The following ZNF800 variants were observed in gnomAD, a reference collection of about 807,000 sequenced individuals.
ZNF800 encodes the protein zinc finger protein 800.
In ZNF800, 13 loss-of-function variants were observed where a neutral mutation model predicts 59.5. That is an observed-to-expected ratio of 0.22 (90% CI 0.14 to 0.35). The LOEUF (loss-of-function observed/expected upper bound fraction) is 0.35. Among genes scored for constraint, ZNF800 ranks in the 10% least tolerant of loss-of-function variants. The probability of loss-of-function intolerance (pLI) is 1.00; values close to 1 mark genes in which losing one functional copy is unlikely to be tolerated. For synonymous variants in ZNF800, 266 were observed against 265.7 expected, an observed-to-expected ratio of 1.00 and a Z score of -0.01; for missense variants, 621 against 783.7, an observed-to-expected ratio of 0.79 and a Z score of 2.48.
At chr7:127,382,673 A>T (rs1801010849) in intron 3 of ZNF800, among the ~76,000 whole-genome samples, 1 of 152,340 alleles carries the variant, frequency 6.6e-6, no homozygotes, top group East Asian at 1.9e-4. Context: ...CAGGCTTCTT[A>T]AAAAATGAGG....
intron 1 of ZNF800, among the ~76,000 whole-genome samples, chr7:127,356,428 T>C (rs1800272225): frequency 6.6e-6 from 1 of 152,090 alleles, no homozygotes; most frequent in Non-Finnish European, 1.5e-5. Flanking sequence ...AAGTCCTCAA[T>C]GCAGAAAGCA....
At chr7:127,358,639 G>A (rs544498236) in intron 1 of ZNF800, among the ~76,000 whole-genome samples, 33 of 152,120 alleles carry the variant, frequency 2.2e-4, no homozygotes, top group African/African-American at 8.0e-4. Context: ...TACCTACATG[G>A]AAACTTTTTC....
Position 127,355,404 on chromosome 7 carries a change from C to T in ZNF800, n.225-7361G>A, listed in dbSNP as rs1028603735. Among the ~76,000 whole-genome samples, 6 of 151,962 alleles carry T rather than the reference C, an allele frequency of 3.9e-5. No homozygotes were observed. In the South Asian group the frequency reaches 8.3e-4, roughly 21 times the overall value. On this transcript the variant is annotated intron_variant and non_coding_transcript_variant, in intron 1 of 1. Coordinates refer to the ZNF800 transcript ENST00000485577. ...ACTGCTAGCCTTGGGTCTCAAAGGG[C>T]TTAGTCTAATCATGGGGGGCAATGT...
chr7:127,370,627 T>C lies in ZNF800; in HGVS notation c.*1187A>G, dbSNP rs925222931. The C allele has an allele frequency of 1.3e-5, 2 of 152,570 alleles. No individual in the cohort carries two copies. The highest frequency in any genetic ancestry group is 2.4e-5 in the African/African-American group (1 of 41,460). 9.5% of individuals were successfully genotyped at this position (152,570 alleles called of 1,614,324 possible). On this transcript the variant is annotated 3_prime_UTR_variant, in exon 6 of 6. Transcript: ENST00000265827. ...CCTCCTAAGTACAGGTGTGAACCTA[T>C]ATAAAAACATGGTATATTTTCTGCT...
chr7:127,375,270 AG>A, intron 4 of ZNF800, among the ~76,000 whole-genome samples: 1 of 152,126 alleles, frequency 6.6e-6, no homozygotes, highest in East Asian at 1.9e-4. Flanking sequence ...TATAATCTGA[AG>A]GGCTACTTTT....
At chr7:127,373,234 T>C (rs2117100384) in intron 5 of ZNF800, 108 bp downstream of exon 5, 6 of 1,496,476 alleles carry the variant, frequency 4.0e-6, no homozygotes, top group South Asian at 1.4e-5. Context: ...CCATGAGATA[T>C]ATGGAAGCAA....
At chr7:127,349,446 C>T (rs1800131845) in intron 1 of ZNF800, among the ~76,000 whole-genome samples, 1 of 152,128 alleles carries the variant, frequency 6.6e-6, no homozygotes, top group Admixed American at 6.5e-5. Flanking sequence ...AGAAGATCCT[C>T]TGTAAGTTTC....
At chr7:127,356,299 G>T (rs749146034) in intron 1 of ZNF800, among the ~76,000 whole-genome samples, 5 of 151,836 alleles carry the variant, frequency 3.3e-5, no homozygotes, top group African/African-American at 4.8e-5. Context: ...GAGAGTGTGT[G>T]TTGTTATTGG....
At chr7:127,366,475 T>C (rs948551214), downstream of ZNF800, among the ~76,000 whole-genome samples, 3 of 152,096 alleles carry the variant, frequency 2.0e-5, no homozygotes, top group Non-Finnish European at 4.4e-5. Flanking sequence ...AGGCTGTCTA[T>C]GAATCTACAA....
Position 127,392,386 on chromosome 7 carries a change from G to GCCA in ZNF800, c.-388_-386dup, listed in dbSNP as rs931525741. The GCCA allele has an allele frequency of 3.0e-4, 115 of 380,322 alleles. 1 individual carries two copies. The highest frequency in any genetic ancestry group is 4.2e-4 in the African/African-American group (20 of 48,028). The allele number at this position is 380,322 out of a possible 1,614,324, so 23.6% of individuals were successfully genotyped here. On this transcript the variant is annotated 5_prime_UTR_variant, in exon 1 of 6. Coordinates refer to ENST00000265827, the MANE Select transcript of ZNF800 (RefSeq NM_176814.5). ...GAACCGCCCGGCAGCAGCTGCCGCCGCCACCACCGAAGGAGCCGGAACCGG... is the reference window on the plus strand; with the variant it reads ...GAACCGCCCGGCAGCAGCTGCCGCCGCCACCACCACCGAAGGAGCCGGAACCGG...
At chr7:127,391,459 A>T in intron 2 of ZNF800, 38 bp downstream of exon 2, 1 of 1,602,746 alleles carries the variant, frequency 6.2e-7, no homozygotes, top group Non-Finnish European at 8.5e-7. Flanking sequence ...AGTGGCTCTG[A>T]TGGAGGGCAA....
chr7:127,387,697 C>CA (rs2117204296), intron 2 of ZNF800, among the ~76,000 whole-genome samples: 1 of 152,006 alleles, frequency 6.6e-6, no homozygotes, highest in East Asian at 1.9e-4. Context: ...CCCATCTCTA[C>CA]AAAAAATACA....
chr7:127,346,901 G>A, exon 2 of ZNF800: 1 of 152,692 alleles, frequency 6.5e-6, no homozygotes, highest in Non-Finnish European at 1.5e-5. Flanking sequence ...CAACCAGCCG[G>A]CTCAGGTGTT....
Position 127,377,433 on chromosome 7 carries a change from T to C in ZNF800, c.158-104A>G. On this transcript the variant is annotated intron_variant, in intron 3 of 5. Coordinates refer to ENST00000265827, the MANE Select transcript of ZNF800 (RefSeq NM_176814.5). The surrounding 1 kb of genome is among the most constrained non-coding windows in gnomAD (Gnocchi z 4.7). ...ACAGACCAAAAGTGCAGTTACTCTT[T>C]GAAAACAAAATATAGGCATTGCCAA... The C allele has an allele frequency of 1.1e-6, 1 of 919,476 alleles. No individual in the cohort carries two copies. The highest frequency in any genetic ancestry group is 2.6e-5 in the East Asian group (1 of 38,288). 57.0% of individuals were successfully genotyped at this position (919,476 alleles called of 1,614,324 possible). A position where few individuals can be genotyped will look rare whatever the true frequency, so the allele number is the denominator to read the frequency against.
At chr7:127,365,814 T>C (rs545507212), downstream of ZNF800, among the ~76,000 whole-genome samples, 10 of 152,220 alleles carry the variant, frequency 6.6e-5, no homozygotes, top group Admixed American at 4.6e-4. Flanking sequence ...GGTTGGATTA[T>C]TGCCAACAAG....
intron 1 of ZNF800, chr7:127,359,705 G>A (rs1466000048): frequency 6.6e-6 from 1 of 151,842 alleles, no homozygotes; most frequent in Admixed American, 6.6e-5. Context: ...TAGCTGACAG[G>A]AGGATCGGAA....
rs1800725688 is a variant in ZNF800 at position 127,374,369 on chromosome 7, C to T, written c.967G>A (p.Ala323Thr). The change falls in exon 5 of 6, where the codon GCA (alanine) becomes ACA (threonine). Residue 323 changes from alanine to threonine, a missense_variant. Physicochemically the swap from Ala to Thr is moderately conservative, Grantham distance 58. Transcript: ENST00000265827. ...LRRDSITPDI[A>T]TKPGQPLFLD... ...AACAAAGGTTGCCCAGGCTTTGTTG[C>T]TATATCAGGAGTAATTGAATCCCTC... 1 of 1,613,654 alleles carries T rather than the reference C, an allele frequency of 6.2e-7. No individual in the cohort carries two copies. The highest frequency in any genetic ancestry group is 1.7e-5 in the Admixed American group (1 of 59,978).
chr7:127,373,465 C>T lies in ZNF800; in HGVS notation c.1871G>A (p.Gly624Glu), dbSNP rs1014075786. Residue 624 changes from glycine to glutamate, a missense_variant, in exon 5 of 6, where the codon GGA becomes GAA. Around this residue, in one of 7 missense-constraint regions of ZNF800, gnomAD observed 94 missense variants for 108.5 expected, o/e 0.87. Coordinates refer to ENST00000265827, the MANE Select transcript of ZNF800 (RefSeq NM_176814.5). ...NFSLHRCNKC[G>E]KAFAKKTYLE... ...GTAAGTCTTTTTGGCAAATGCCTTT[C>T]CACATTTATTGCATCTGTGAAGAGA... 5 of 1,613,974 alleles carry T rather than the reference C, an allele frequency of 3.1e-6. No homozygotes were observed. Among genetic ancestry groups the T allele is most frequent in the Non-Finnish European group, 4.2e-6 (5 of 1,180,004 alleles).
intron 1 of ZNF800, among the ~76,000 whole-genome samples, chr7:127,358,807 A>G (rs1800332970): frequency 6.6e-6 from 1 of 152,126 alleles, no homozygotes; most frequent in Non-Finnish European, 1.5e-5. Context: ...TACCTGACTC[A>G]GTGCCTCGCA....
Sources: allele counts gnomAD v4.1 joint callset (sites outside exome capture counted in the v4.1 genomes callset), GRCh38; gene constraint gnomAD v4.1.1; regional missense constraint gnomAD v4.1.1; non-coding constraint Gnocchi (gnomAD v3.1); transcripts MANE v1.5; gene names NCBI Gene and HGNC (gene_info 2026-07-23, HGNC 2026-07-21).